The following NFIC variants were observed in gnomAD, a reference collection of about 807,000 sequenced individuals.
The protein encoded by NFIC is nuclear factor I C, also known as nuclear factor 1 C-type.
Under a neutral mutation model 54.4 loss-of-function variants are expected in NFIC, and 12 were observed. That is an observed-to-expected ratio of 0.22 (90% CI 0.14 to 0.36). The LOEUF is 0.36. Among genes scored for constraint, NFIC ranks in the 10% least tolerant of loss-of-function variants. The pLI is 1.00. For synonymous variants in NFIC, 322 were observed against 319.2 expected (o/e 1.01, Z -0.09); for missense variants, 575 against 718.2 (o/e 0.80, Z 2.28).
chr19:3,366,458 C>G (rs955139108), upstream of NFIC: 2 of 494,720 alleles, frequency 4.0e-6, no homozygotes, highest in East Asian at 3.6e-5. Context: ...GCGGGCGGCG[C>G]GAGAGAGGGA....
rs1487999671 is a variant in NFIC, at chr19:3,453,225, C to A, written c.1270-538C>A. On this transcript the variant is annotated intron_variant, in intron 8 of 10. Transcript: ENST00000443272. The surrounding 1 kb of genome is among the most constrained non-coding windows in gnomAD (Gnocchi z 6.7). ...CTGCACCCCAGCCTGGGTGACAGAA[C>A]GAGACCCTGTCTCAAAAAGAAAAAA... Among the ~76,000 whole-genome samples, 2 of 151,946 alleles carry A rather than the reference C, an allele frequency of 1.3e-5. No homozygotes were observed. Among genetic ancestry groups the A allele is most frequent in the Non-Finnish European group, 2.9e-5 (2 of 67,994 alleles).
intron 2 of NFIC, among the ~76,000 whole-genome samples, chr19:3,383,643 C>T (rs1178309143): frequency 1.3e-5 from 2 of 152,174 alleles, no homozygotes; most frequent in Non-Finnish European, 2.9e-5. Flanking sequence ...ACAGCACACC[C>T]CTGCCATGCC....
intron 2 of NFIC, among the ~76,000 whole-genome samples, chr19:3,404,758 G>A (rs2081616924): frequency 2.6e-5 from 4 of 152,222 alleles, no homozygotes; most frequent in Admixed American, 1.3e-4. Flanking sequence ...GGGCGGCGTG[G>A]CCTCCCAGAG....
intron 2 of NFIC, among the ~76,000 whole-genome samples, chr19:3,403,858 G>C (rs1435048137): frequency 6.6e-6 from 1 of 151,878 alleles, no homozygotes; most frequent in East Asian, 2.0e-4. Flanking sequence ...CCCCCACCCG[G>C]TGCCCGACAT....
In NFIC at chr19:3,453,795, C is replaced by T. The variant is rs1431226151; in HGVS notation, c.1302C>T (p.Ser434=). ...GAAGTGGTCAGCTCAAAATGCCCAG[C>T]CACTGCCTTTCTGCTCAGATGCTGG... ...LNGSGQLKMP[S]HCLSAQMLAP... is the part of the protein sequence containing the mutation. Residue 434 remains serine, a synonymous_variant, in exon 9 of 11, where the codon AGC becomes AGT. Transcript: ENST00000443272. This position sits in a 1 kb window ranked among gnomAD's most constrained non-coding sequence, Gnocchi z 6.7. 6.2e-7 allele frequency: 1 copy of T among 1,606,094 alleles called. No individual in the cohort carries two copies. Among genetic ancestry groups the T allele is most frequent in the Non-Finnish European group, 8.5e-7 (1 of 1,176,724 alleles).
chr19:3,376,373 G>A (rs1016950321), intron 1 of NFIC, among the ~76,000 whole-genome samples: 1 of 129,694 alleles, frequency 7.7e-6, no homozygotes, highest in African/African-American at 2.8e-5. Context: ...AGGTTGCAGT[G>A]AGCTGAGATC....
At chr19:3,447,769 G>A (rs187645952) in intron 6 of NFIC, among the ~76,000 whole-genome samples, 1 of 152,336 alleles carries the variant, frequency 6.6e-6, no homozygotes, top group African/African-American at 2.4e-5. Context: ...TGGCCAGCCG[G>A]GGTTTGAACC....
chr19:3,378,510 C>G (rs924669065), intron 1 of NFIC, among the ~76,000 whole-genome samples: 1 of 152,138 alleles, frequency 6.6e-6, no homozygotes, highest in Admixed American at 6.5e-5. Flanking sequence ...CCACATTTCT[C>G]TTCAAGGGGC....
At chr19:3,446,145 G>A (rs1189628295) in intron 6 of NFIC, among the ~76,000 whole-genome samples, 1 of 152,224 alleles carries the variant, frequency 6.6e-6, no homozygotes, top group Non-Finnish European at 1.5e-5. Flanking sequence ...AGAAGCTCCT[G>A]ACAGGGCAGA....
In NFIC at chr19:3,435,354, A is replaced by C. The variant is rs968196757; in HGVS notation, c.958+147A>C. ...CCTCCTGGGAATTGTAGTCGTCCCG[A>C]GCTGCGCTTGGCTGGAAGTACGGTC... On this transcript the variant is annotated intron_variant, in intron 6 of 10. Coordinates refer to ENST00000443272, the MANE Select transcript of NFIC (RefSeq NM_001245002.2). The C allele has an allele frequency of 2.4e-5, 29 of 1,219,654 alleles. No individual in the cohort carries two copies. The African/African-American group carries it at 3.4e-4, about 14-fold the overall frequency. The allele number at this position is 1,219,654 out of a possible 1,614,324, so 75.6% of individuals were successfully genotyped here.
intron 3 of NFIC, among the ~76,000 whole-genome samples, chr19:3,428,910 C>G: frequency 6.6e-6 from 1 of 152,136 alleles, no homozygotes. Flanking sequence ...CGGGGGCCAC[C>G]GCTCTGTCCT....
intron 3 of NFIC, among the ~76,000 whole-genome samples, chr19:3,429,123 CA>C (rs1229903958): frequency 1.7e-4 from 15 of 88,144 alleles, no homozygotes; most frequent in Non-Finnish European, 2.5e-4. Flanking sequence ...TATCTCTACC[CA>C]AAAAAAAAAT....
intron 2 of NFIC, among the ~76,000 whole-genome samples, chr19:3,405,990 G>A (rs2081643423): frequency 6.6e-6 from 1 of 152,062 alleles, no homozygotes; most frequent in Non-Finnish European, 1.5e-5. Flanking sequence ...ACTTGATCAT[G>A]GCTTACTGTA....
chr19:3,434,144 C>G lies in NFIC; in HGVS notation c.710-133C>G, dbSNP rs1007509772. 4.3e-6 allele frequency: 6 copies of G among 1,381,260 alleles called. No homozygotes were observed. The African/African-American group carries it at 8.7e-5, about 20-fold the overall frequency. 85.6% of individuals were successfully genotyped at this position (1,381,260 alleles called of 1,614,324 possible). On this transcript the variant is annotated intron_variant, in intron 4 of 10. Transcript: ENST00000443272. ...CATAGAATAAAACTGGTTTCAGCCA[C>G]CCTAGGAACCGGGCCAATATGGGAA...
chr19:3,463,708 T>C lies in NFIC; in HGVS notation c.*939T>C. ...AGGGAGGGACCCACATTGCACACAC[T>C]GTAAGAAATGCACTTTCCGAGGAAG... On this transcript the variant is annotated 3_prime_UTR_variant, in exon 11 of 11. Transcript: ENST00000443272. 3.1e-6 allele frequency: 3 copies of C among 967,314 alleles called. No individual in the cohort carries two copies. The highest frequency in any genetic ancestry group is 2.4e-6 in the Non-Finnish European group (2 of 827,164). The allele number at this position is 967,314 out of a possible 1,614,324, so 59.9% of individuals were successfully genotyped here.
At chr19:3,425,875 C>T (rs1426907368) in intron 3 of NFIC, among the ~76,000 whole-genome samples, 1 of 149,654 alleles carries the variant, frequency 6.7e-6, no homozygotes, top group Non-Finnish European at 1.5e-5. Context: ...CTGCCTTAGC[C>T]TCTCAAGTAG....
intron 7 of NFIC, among the ~76,000 whole-genome samples, chr19:3,451,650 A>T (rs950545596): frequency 2.7e-5 from 4 of 149,064 alleles, no homozygotes; most frequent in African/African-American, 1.0e-4. Flanking sequence ...AAAAAAAAAG[A>T]TCACTATTCA....
At chr19:3,433,493 T>C (rs747983297) in intron 3 of NFIC, 25 bp from the exon 4 acceptor site, 1 of 1,612,666 alleles carries the variant, frequency 6.2e-7, no homozygotes, top group Non-Finnish European at 8.5e-7. Context: ...CTCAGCCTAC[T>C]GACCCCGCTG....
chr19:3,360,417 C>T (rs1347902174), intron 1 of NFIC, among the ~76,000 whole-genome samples: 1 of 151,650 alleles, frequency 6.6e-6, no homozygotes, highest in Non-Finnish European at 1.5e-5. Context: ...GCCCCAGGCC[C>T]TGGAGCGGCG....
Sources: gnomAD v4.1 joint callset for allele counts (sites outside exome capture counted in the v4.1 genomes callset) on GRCh38, gnomAD v4.1.1 for gene constraint, Gnocchi (gnomAD v3.1) non-coding constraint, MANE v1.5 for transcripts, NCBI Gene and HGNC (gene_info 2026-07-23, HGNC 2026-07-21) for gene names.